Variants in TMEM8B observed in about 807,000 individuals in gnomAD.
TMEM8B encodes transmembrane protein 8B.
A neutral mutation model predicts 49.3 loss-of-function variants in TMEM8B; 29 were observed. The ratio of observed to expected loss-of-function variants is 0.59; its 90% CI spans 0.44 to 0.80. TMEM8B has a LOEUF of 0.80. Among genes scored for constraint, TMEM8B ranks in the 30% least tolerant of loss-of-function variants. The pLI, the probability that TMEM8B is intolerant of heterozygous loss-of-function variation, is 0.00. For synonymous variants in TMEM8B, 264 were observed against 272.8 expected (o/e 0.97, Z 0.32); for missense variants, 575 against 658.5 (o/e 0.87, Z 1.39).
At chr9:35,831,235 CGTGCATGTGTGTGGG>C (rs1424847407) in intron 1 of TMEM8B, among the ~76,000 whole-genome samples, 9 of 152,060 alleles carry the variant, frequency 5.9e-5, no homozygotes, top group Non-Finnish European at 1.2e-4. Context: ...AGTGTAGACA[CGTGCATGTGTGTGGG>C]GTGCATGTGA....
chr9:35,847,978 A>C (rs1404946361), intron 10 of TMEM8B, among the ~76,000 whole-genome samples: 1 of 152,178 alleles, frequency 6.6e-6, no homozygotes, highest in Non-Finnish European at 1.5e-5. Flanking sequence ...AGCACTGCAA[A>C]AACTCTTAGA....
At position 35,857,093 on chromosome 9, in the gene TMEM8B, A is replaced by G. The variant is rs1262586905; in HGVS notation, c.*3253A>G. 2.0e-5 allele frequency: 3 copies of G among 152,182 alleles called. No individual in the cohort carries two copies. 9.4% of individuals were successfully genotyped at this position (152,182 alleles called of 1,614,324 possible). On this transcript the variant is annotated 3_prime_UTR_variant, in exon 13 of 13. Coordinates refer to ENST00000643932, the MANE Select transcript of TMEM8B (RefSeq NM_001042590.4). ...TGCATGTATCTGTACATACGACTGGACTGAGACCCCTGAGCACTTGCAGCT... is the reference window on the plus strand; with the variant it reads ...TGCATGTATCTGTACATACGACTGGGCTGAGACCCCTGAGCACTTGCAGCT...
intron 3 of TMEM8B, among the ~76,000 whole-genome samples, chr9:35,839,023 T>C (rs899830569): frequency 6.6e-6 from 1 of 152,214 alleles, no homozygotes; most frequent in African/African-American, 2.4e-5. Flanking sequence ...CCAGCACTCG[T>C]TTGCTTCTAC....
rs973577442 is a variant in TMEM8B, at chr9:35,857,382, A to G, written c.*3542A>G. Reference sequence around the variant, plus strand: ...GTAAAGAGAGCGATCTCAAAGTGCAATGGGAAAGGATGCATGAGAGAGATG... The same window carrying G: ...GTAAAGAGAGCGATCTCAAAGTGCAGTGGGAAAGGATGCATGAGAGAGATG... On this transcript the variant is annotated 3_prime_UTR_variant, in exon 13 of 13. Coordinates refer to ENST00000643932, the MANE Select transcript of TMEM8B (RefSeq NM_001042590.4). The G allele has an allele frequency of 3.9e-5, 6 of 152,284 alleles. No individual in the cohort carries two copies. The highest frequency in any genetic ancestry group is 8.8e-5 in the Non-Finnish European group (6 of 68,054). 9.4% of individuals were successfully genotyped at this position (152,284 alleles called of 1,614,324 possible). A position where few individuals can be genotyped will look rare whatever the true frequency, so the allele number is the denominator to read the frequency against.
Position 35,854,673 on chromosome 9 carries a change from T to TGA in TMEM8B, c.*834_*835insAG, listed in dbSNP as rs1273880462. On this transcript the variant is annotated 3_prime_UTR_variant, in exon 13 of 13. Transcript: ENST00000643932. ...TGAGGGGTGTGTGTGTGTGTGTGTG[T>TGA]GTTTATGTATGTATACGTATGCTGA... 1 of 152,100 alleles carries TGA rather than the reference T, an allele frequency of 6.6e-6. No individual in the cohort carries two copies. The highest frequency in any genetic ancestry group is 1.5e-5 in the Non-Finnish European group (1 of 68,036). The allele number at this position is 152,100 out of a possible 1,614,324, so 9.4% of individuals were successfully genotyped here.
chr9:35,845,414 T>G, intron 6 of TMEM8B: 1 of 985,476 alleles, frequency 1.0e-6, no homozygotes, highest in Non-Finnish European at 1.2e-6. Flanking sequence ...TTTATTCTTG[T>G]AGACAACACC....
At chr9:35,835,661 C>A (rs1017318428) in intron 3 of TMEM8B, among the ~76,000 whole-genome samples, 20 of 152,260 alleles carry the variant, frequency 1.3e-4, no homozygotes, top group Non-Finnish European at 1.9e-4. Flanking sequence ...TTTAGTCCAT[C>A]TGGGAGAATG....
At chr9:35,830,028 G>A in intron 1 of TMEM8B, 73 bp downstream of exon 1, 1 of 412,020 alleles carries the variant, frequency 2.4e-6, no homozygotes, top group Non-Finnish European at 4.4e-6. Flanking sequence ...GAGAGATTCA[G>A]GAGAGGTGGG....
Position 35,834,553 on chromosome 9 carries a change from G to A in TMEM8B, c.601G>A (p.Val201Ile), listed in dbSNP as rs1830250450. Residue 201 changes from valine to isoleucine, a missense_variant, in exon 2 of 13, where the codon GTT (valine) becomes ATT (isoleucine). By Grantham distance (29) the Val-to-Ile change is conservative. Transcript: ENST00000643932. ...FASTELFHFH[V>I]PEDTFLAVWN... is the part of the protein sequence containing the mutation. Reference sequence around the variant, plus strand: ...CAGCACCGAGCTCTTCCACTTCCATGTTCCTGAGGACACATTCCTGGCTGT... The same window carrying A: ...CAGCACCGAGCTCTTCCACTTCCATATTCCTGAGGACACATTCCTGGCTGT... The A allele has an allele frequency of 2.4e-6, 1 of 416,352 alleles. No individual in the cohort carries two copies. Among genetic ancestry groups the A allele is most frequent in the African/African-American group, 2.1e-5 (1 of 48,776 alleles). 25.8% of individuals were successfully genotyped at this position (416,352 alleles called of 1,614,324 possible).
Position 35,859,909 on chromosome 9 carries a change from C to G in TMEM8B, c.*6069C>G, listed in dbSNP as rs143359117. 1 of 153,158 alleles carries G rather than the reference C, an allele frequency of 6.5e-6. No individual in the cohort carries two copies. Among genetic ancestry groups the G allele is most frequent in the African/African-American group, 2.4e-5 (1 of 41,464 alleles). The allele number at this position is 153,158 out of a possible 1,614,324, so 9.5% of individuals were successfully genotyped here. On this transcript the variant is annotated 3_prime_UTR_variant, in exon 13 of 13. Coordinates refer to ENST00000643932, the MANE Select transcript of TMEM8B (RefSeq NM_001042590.4). Reference sequence around the variant, plus strand: ...CCAGGCAGAACACAAACAGGACCACCTCCAGGTTACAGTGCTCGTGTAGCC... The same window carrying G: ...CCAGGCAGAACACAAACAGGACCACGTCCAGGTTACAGTGCTCGTGTAGCC...
chr9:35,853,450 TGGCTTGGGTTCCAG>T lies in TMEM8B; in HGVS notation c.2440-47_2440-34del. 1.9e-6 allele frequency: 3 copies of T among 1,571,416 alleles called. No individual in the cohort carries two copies. The highest frequency in any genetic ancestry group is 1.7e-6 in the Non-Finnish European group (2 of 1,161,550). On this transcript the variant is annotated intron_variant, in intron 12 of 12. Transcript: ENST00000643932. The surrounding 1 kb of genome is among the most constrained non-coding windows in gnomAD (Gnocchi z 4.2). ...GAGGAAACCTGAGAGTGACCAGCTC[TGGCTTGGGTTCCAG>T]GGCTTGGCATTCCTGAGCCCCACTT...
At position 35,853,269 on chromosome 9, in the gene TMEM8B, G is replaced by C. The variant is rs757191375; in HGVS notation, c.2439+12G>C. 4 of 1,604,734 alleles carry C rather than the reference G, an allele frequency of 2.5e-6. No homozygotes were observed. Among genetic ancestry groups the C allele is most frequent in the Non-Finnish European group, 3.4e-6 (4 of 1,171,700 alleles). On this transcript the variant is annotated intron_variant, in intron 12 of 12. Transcript: ENST00000643932. This position sits in a 1 kb window ranked among gnomAD's most constrained non-coding sequence, Gnocchi z 4.2. The stretch of plus-strand genomic sequence containing the variant: ...TGGCCACAGCCTGGGTAAGGGTGGG[G>C]AGGGATGTGGGGGGAGGGTCCCAGC...
intron 10 of TMEM8B, chr9:35,847,369 CT>C (rs1012739048): frequency 5.0e-6 from 3 of 597,054 alleles, no homozygotes; most frequent in Admixed American, 2.9e-5. Flanking sequence ...GAAATCTATG[CT>C]TTCCCCCACA....
In TMEM8B at chr9:35,851,575, G is replaced by A. The variant is rs548882605; in HGVS notation, c.2176-1252G>A. ...TGTCCCCAAAATAACAAGCCCTTTC[G>A]AAAGCCTGGAACACCCACTTAAAAC... On this transcript the variant is annotated intron_variant, in intron 10 of 12. Transcript: ENST00000643932. 5.3e-4 allele frequency among the ~76,000 whole-genome samples: 80 copies of A among 152,250 alleles called. 1 individual carries two copies. Among genetic ancestry groups the A allele is most frequent in the African/African-American group, 1.7e-3 (72 of 41,558 alleles).
intron 9 of TMEM8B, 28 bp from the exon 10 acceptor site, chr9:35,846,789 T>A: frequency 1.2e-6 from 2 of 1,601,506 alleles, no homozygotes; most frequent in Non-Finnish European, 1.7e-6. Flanking sequence ...GTCTGTTCTC[T>A]TCCATTCTGT....
At position 35,857,722 on chromosome 9, in the gene TMEM8B, T is replaced by A. The variant is rs1219744421; in HGVS notation, c.*3882T>A. 1.3e-5 allele frequency: 2 copies of A among 152,362 alleles called. No individual in the cohort carries two copies. Among genetic ancestry groups the A allele is most frequent in the Middle Eastern group, 3.4e-3 (1 of 294 alleles). The allele number at this position is 152,362 out of a possible 1,614,324, so 9.4% of individuals were successfully genotyped here. ...ATGAGTGATAAAAAGATTAGACCTT[T>A]ACAGTCATGGGAGCAGTTGGAGAAA... is the stretch of plus-strand genomic sequence containing the variant. On this transcript the variant is annotated 3_prime_UTR_variant, in exon 13 of 13. Coordinates refer to ENST00000643932, the MANE Select transcript of TMEM8B (RefSeq NM_001042590.4).
Position 35,829,760 on chromosome 9 carries a change from A to T in TMEM8B, c.313A>T (p.Lys105Ter), listed in dbSNP as rs1280554979. 2.4e-6 allele frequency: 1 copy of T among 414,450 alleles called. No individual in the cohort carries two copies. Among genetic ancestry groups the T allele is most frequent in the Non-Finnish European group, 4.4e-6 (1 of 227,558 alleles). 25.7% of individuals were successfully genotyped at this position (414,450 alleles called of 1,614,324 possible). A position where few individuals can be genotyped will look rare whatever the true frequency, so the allele number is the denominator to read the frequency against. Residue 105 changes from lysine (K) to a stop codon, truncating the protein, a stop_gained, in exon 1 of 13, where the codon AAG (lysine) becomes TAG (stop). Coordinates refer to ENST00000643932, the MANE Select transcript of TMEM8B (RefSeq NM_001042590.4). LOFTEE classifies it high-confidence loss of function. ...TCCATCCCACTCCCTGCCCTTGTTC[A>T]AGCCCCAGTGTCCAGCCCAGCCCAA... ...FLPSHSLPLF[K>*]PQCPAQPNPL...
At chr9:35,839,120 TCAGTCTGCAAGCCC>T (rs1830722970) in intron 3 of TMEM8B, among the ~76,000 whole-genome samples, 1 of 152,256 alleles carries the variant, frequency 6.6e-6, no homozygotes, top group Admixed American at 6.5e-5. Flanking sequence ...TTGGGCATCT[TCAGTCTGCAAGCCC>T]CACCCAGAGC....
chr9:35,854,548 C>G lies in TMEM8B; in HGVS notation c.*708C>G. The G allele has an allele frequency of 6.6e-6, 1 of 152,272 alleles. No homozygotes were observed. The highest frequency in any genetic ancestry group is 1.9e-4 in the East Asian group (1 of 5,196). The allele number at this position is 152,272 out of a possible 1,614,324, so 9.4% of individuals were successfully genotyped here. ...TACTGCCGGAGGCTTTTGTCACACC[C>G]TGTACACAGTCTGATCCCGCTCATC... On this transcript the variant is annotated 3_prime_UTR_variant, in exon 13 of 13. Transcript: ENST00000643932.
Sources: gnomAD v4.1 joint callset for allele counts (sites outside exome capture counted in the v4.1 genomes callset) on GRCh38, gnomAD v4.1.1 for gene constraint, Gnocchi (gnomAD v3.1) non-coding constraint, MANE v1.5 for transcripts, NCBI Gene and HGNC (gene_info 2026-07-23, HGNC 2026-07-21) for gene names.